The following CR1 variants were observed in gnomAD, a reference collection of about 807,000 sequenced individuals.
CR1 encodes complement receptor type 1.
Under a neutral mutation model 187.3 loss-of-function variants are expected in CR1, and 116 were observed. The observed-to-expected ratio is 0.62, with a 90% CI of 0.53 to 0.72. CR1 has a LOEUF of 0.72. Ranked by LOEUF, CR1 falls within the 30% of genes least tolerant of loss-of-function variation. The pLI is 0.00. For synonymous variants in CR1, 576 were observed against 747.1 expected (o/e 0.77, Z 3.73); for missense variants, 1,731 against 2,110.7 (o/e 0.82, Z 3.52).
In CR1 at chr1:207,579,501, G is replaced by A. The variant is rs188494456; in HGVS notation, c.4937-739G>A. ...AGTGAAAAAACAGCAGGAACCAGCA[G>A]ATGGCGATGAAAGCAATTGCTAGCT... On this transcript the variant is annotated intron_variant, in intron 29 of 46. Transcript: ENST00000367049. 1.6e-3 allele frequency among the ~76,000 whole-genome samples: 247 copies of A among 152,322 alleles called. 3 individuals carry two copies. Among genetic ancestry groups the A allele is most frequent in the African/African-American group, 5.9e-3 (244 of 41,570 alleles).
chr1:207,566,362 T>C (rs2102325608), intron 24 of CR1, among the ~76,000 whole-genome samples: 1 of 149,994 alleles, frequency 6.7e-6, no homozygotes, highest in African/African-American at 2.5e-5. Flanking sequence ...CAGTCTACAA[T>C]TTATATATAT....
chr1:207,503,155 C>G lies in CR1; in HGVS notation c.122-2749C>G, dbSNP rs908325343. On this transcript the variant is annotated intron_variant, in intron 1 of 46. Transcript: ENST00000367049. Reference sequence around the variant, plus strand: ...TCTGTGTATGTGGCAGCATATACTACTTTTGATTCTCCCTGCAAACCTGGT... The same window carrying G: ...TCTGTGTATGTGGCAGCATATACTAGTTTTGATTCTCCCTGCAAACCTGGT... Among the ~76,000 whole-genome samples, 19 of 152,270 alleles carry G rather than the reference C, an allele frequency of 1.2e-4. No individual in the cohort carries two copies. The South Asian group carries it at 3.7e-3, about 30-fold the overall frequency.
At chr1:207,602,096 C>A (rs987826357) in intron 35 of CR1, among the ~76,000 whole-genome samples, 1 of 151,994 alleles carries the variant, frequency 6.6e-6, no homozygotes, top group Non-Finnish European at 1.5e-5. Context: ...AGCCCACATT[C>A]AAAAAGAGAG....
chr1:207,580,716 C>T, intron 31 of CR1, 103 bp downstream of exon 31: 3 of 1,044,396 alleles, frequency 2.9e-6, no homozygotes. Flanking sequence ...GAAGAAGAAT[C>T]CAGGGAGATT....
chr1:207,502,817 C>T (rs1654808985), intron 1 of CR1, among the ~76,000 whole-genome samples: 1 of 152,164 alleles, frequency 6.6e-6, no homozygotes, highest in Non-Finnish European at 1.5e-5. Flanking sequence ...GAAAAGGCAA[C>T]CTTAGGAATT....
chr1:207,525,149 G>A lies in CR1; in HGVS notation c.886+1140G>A, dbSNP rs913575302. ...ATCACAAGACAGCACTAGGGTGATG[G>A]TGCTCAACCATAAGAAACCACCTCC... On this transcript the variant is annotated intron_variant, in intron 5 of 46. Transcript: ENST00000367049. Among the ~76,000 whole-genome samples, 12 of 151,990 alleles carry A rather than the reference G, an allele frequency of 7.9e-5. 1 individual carries two copies. Among genetic ancestry groups the A allele is most frequent in the African/African-American group, 2.9e-4 (12 of 41,242 alleles).
intron 46 of CR1, among the ~76,000 whole-genome samples, chr1:207,634,305 G>C (rs1662745228): frequency 6.6e-6 from 1 of 152,124 alleles, no homozygotes; most frequent in African/African-American, 2.4e-5. Flanking sequence ...TTTTCGGTAG[G>C]TATAAAGTCC....
chr1:207,606,394 G>C (rs771131293), intron 35 of CR1: 1 of 152,204 alleles, frequency 6.6e-6, no homozygotes, highest in Non-Finnish European at 1.5e-5. Flanking sequence ...TAATGAAGGA[G>C]AGGAAAGTGG....
At chr1:207,630,738 AGTAC>A (rs368366424) in intron 46 of CR1, 117 bp downstream of exon 46, 28 of 599,020 alleles carry the variant, frequency 4.7e-5, no homozygotes, top group Middle Eastern at 2.9e-4. Flanking sequence ...GAATTTAGAA[AGTAC>A]TTCAGGAGTT....
chr1:207,630,076 T>C (rs991852651), intron 45 of CR1, among the ~76,000 whole-genome samples: 1 of 152,230 alleles, frequency 6.6e-6, no homozygotes, highest in African/African-American at 2.4e-5. Flanking sequence ...GCTGCTCCCC[T>C]AACCGTGGAT....
In CR1 at chr1:207,511,785, T is replaced by G. The variant is rs933962777; in HGVS notation, c.487+131T>G. 25 of 781,336 alleles carry G rather than the reference T, an allele frequency of 3.2e-5. No individual in the cohort carries two copies. In the African/African-American group the frequency reaches 4.3e-4, roughly 13 times the overall value. The allele number at this position is 781,336 out of a possible 1,614,324, so 48.4% of individuals were successfully genotyped here. A position where few individuals can be genotyped will look rare whatever the true frequency, so the allele number is the denominator to read the frequency against. ...ACGGCTGAAGACTGCGGTAATGTTC[T>G]CGAATATTCCTATGGGGTTCCTGGC... On this transcript the variant is annotated intron_variant, in intron 4 of 46. Transcript: ENST00000367049.
chr1:207,520,688 G>A (rs1659949306), intron 4 of CR1, among the ~76,000 whole-genome samples: 1 of 152,156 alleles, frequency 6.6e-6, no homozygotes, highest in African/African-American at 2.4e-5. Context: ...GCTCTTTCTG[G>A]TGTGTTTCCT....
chr1:207,613,652 G>A (rs1006739635), intron 39 of CR1, among the ~76,000 whole-genome samples: 42 of 152,120 alleles, frequency 2.8e-4, no homozygotes, highest in African/African-American at 9.4e-4. Context: ...TACTCTTGGT[G>A]GTGTGCACTA....
At chr1:207,618,048 T>C in intron 41 of CR1, 23 bp from the exon 42 acceptor site, 1 of 1,605,694 alleles carries the variant, frequency 6.2e-7, no homozygotes, top group South Asian at 1.1e-5. Context: ...TTTTCTTGTG[T>C]TTGTGTGGGA....
At chr1:207,517,741 A>C (rs1182785429) in intron 4 of CR1, among the ~76,000 whole-genome samples, 1 of 152,020 alleles carries the variant, frequency 6.6e-6, no homozygotes, top group Non-Finnish European at 1.5e-5. Flanking sequence ...TTTTCAAGGA[A>C]TTTACTCATT....
chr1:207,581,334 G>A (rs1416684744), intron 31 of CR1, among the ~76,000 whole-genome samples: 13 of 128,584 alleles, frequency 1.0e-4, no homozygotes, highest in African/African-American at 4.4e-4. Context: ...ACATGTACAT[G>A]TGTATATGTA....
intron 1 of CR1, among the ~76,000 whole-genome samples, chr1:207,496,826 C>T (rs865997687): frequency 1.3e-5 from 2 of 152,188 alleles, no homozygotes; most frequent in African/African-American, 4.8e-5. Context: ...TCTGTTTGCT[C>T]TTCTGTAAAA....
At chr1:207,588,157 G>A (rs371483829) in intron 34 of CR1, among the ~76,000 whole-genome samples, 2 of 152,102 alleles carry the variant, frequency 1.3e-5, no homozygotes, top group African/African-American at 4.8e-5. Context: ...TGTTTCTGCT[G>A]TTGCTGTTGT....
rs778378849 is a variant in CR1 at position 207,506,093 on chromosome 1, T to G, written c.301+10T>G. On this transcript the variant is annotated intron_variant, in intron 2 of 46. Transcript: ENST00000367049. ...AAGGACAGGTGCAGACGTAAGTAAC[T>G]CTGGAGTGGGAACCCCCCTGTTAGT... 6.2e-7 allele frequency: 1 copy of G among 1,610,200 alleles called. No individual in the cohort carries two copies. Among genetic ancestry groups the G allele is most frequent in the Admixed American group, 1.7e-5 (1 of 59,168 alleles).
Sources: allele counts gnomAD v4.1 joint callset (sites outside exome capture counted in the v4.1 genomes callset), GRCh38; gene constraint gnomAD v4.1.1; transcripts MANE v1.5; gene names NCBI Gene and HGNC (gene_info 2026-07-23, HGNC 2026-07-21).